Variants in CFAP20DC observed in about 807,000 individuals in gnomAD.
CFAP20DC encodes protein CFAP20DC.
Under a neutral mutation model 101.7 loss-of-function variants are expected in CFAP20DC, and 84 were observed. The observed-to-expected ratio is 0.83, with a 90% CI of 0.69 to 0.99. The LOEUF (loss-of-function observed/expected upper bound fraction) is 0.99, where lower values mean the gene tolerates loss of function less well. CFAP20DC is among the 50% of genes least tolerant of loss of function. CFAP20DC has a pLI of 0.00. For missense variants in CFAP20DC, 1,007 were observed against 970.3 expected (o/e 1.04, Z -0.50); for synonymous variants, 359 against 351.2 (o/e 1.02, Z -0.25).
At chr3:58,934,828 CA>C (rs2087291084) in intron 5 of CFAP20DC, among the ~76,000 whole-genome samples, 1 of 152,150 alleles carries the variant, frequency 6.6e-6, no homozygotes. Flanking sequence ...ACTGAATGGG[CA>C]AAAACTGGAA....
chr3:58,727,774 T>C (rs1414422622), intron 3 of CFAP20DC: 1 of 152,224 alleles, frequency 6.6e-6, no homozygotes, highest in African/African-American at 2.4e-5. Context: ...TTGCTCTCTC[T>C]TGACTTCAAT....
At chr3:58,831,928 C>T in intron 13 of CFAP20DC, 39 bp from the exon 14 acceptor site, 1 of 1,564,158 alleles carries the variant, frequency 6.4e-7, no homozygotes, top group Non-Finnish European at 8.8e-7. Context: ...GGTCATTTGG[C>T]CTAATTCTAC....
chr3:58,815,903 C>G (rs1395541890), intron 14 of CFAP20DC, among the ~76,000 whole-genome samples: 1 of 151,478 alleles, frequency 6.6e-6, no homozygotes, highest in Non-Finnish European at 1.5e-5. Context: ...CACTTTTACA[C>G]TGTTGCTGGG....
At chr3:58,925,820 T>C (rs1246446681) in intron 5 of CFAP20DC, among the ~76,000 whole-genome samples, 2 of 152,206 alleles carry the variant, frequency 1.3e-5, no homozygotes, top group South Asian at 2.1e-4. Context: ...TCTGAACCCA[T>C]AGAATCTAGC....
chr3:58,750,701 C>G (rs539476856), intron 16 of CFAP20DC, among the ~76,000 whole-genome samples: 1 of 152,244 alleles, frequency 6.6e-6, no homozygotes, highest in South Asian at 2.1e-4. Flanking sequence ...GGGGTTGGAC[C>G]ACATCAGTGT....
In CFAP20DC at chr3:58,863,128, G is replaced by A. The variant is rs1157917423; in HGVS notation, c.1593+430C>T. The A allele has an allele frequency of 2.9e-6, 3 of 1,047,454 alleles. No individual in the cohort carries two copies. The highest frequency in any genetic ancestry group is 8.1e-5 in the South Asian group (2 of 24,566). The allele number at this position is 1,047,454 out of a possible 1,614,324, so 64.9% of individuals were successfully genotyped here. A position where few individuals can be genotyped will look rare whatever the true frequency, so the allele number is the denominator to read the frequency against. ...AAATAATGAGTCCTAATAGGTCTAA[G>A]GTGAAAAGATGGCAGGGGAGTAAGG... On this transcript the variant is annotated intron_variant, in intron 12 of 16. Coordinates refer to ENST00000482387, the MANE Select transcript of CFAP20DC (RefSeq NM_001394063.1). This position sits in a 1 kb window ranked among gnomAD's most constrained non-coding sequence, Gnocchi z 5.9.
intron 15 of CFAP20DC, among the ~76,000 whole-genome samples, chr3:58,767,273 G>A (rs1432940232): frequency 2.6e-5 from 4 of 151,932 alleles, no homozygotes; most frequent in Non-Finnish European, 4.4e-5. Context: ...GCATGCTTTT[G>A]TTTCCTTACC....
intron 5 of CFAP20DC, among the ~76,000 whole-genome samples, chr3:58,933,748 G>C (rs2087084033): frequency 6.6e-6 from 1 of 151,690 alleles, no homozygotes; most frequent in Non-Finnish European, 1.5e-5. Context: ...CAACATACCA[G>C]AATCTCTGGG....
chr3:58,856,129 A>T (rs1247714011), intron 12 of CFAP20DC, among the ~76,000 whole-genome samples: 1 of 150,654 alleles, frequency 6.6e-6, no homozygotes, highest in African/African-American at 2.5e-5. Context: ...CTAAAAAAAA[A>T]CCCCTCTCCT....
At chr3:58,834,098 A>G (rs2076578243) in intron 13 of CFAP20DC, among the ~76,000 whole-genome samples, 1 of 152,172 alleles carries the variant, frequency 6.6e-6, no homozygotes, top group South Asian at 2.1e-4. Flanking sequence ...GAGTGATTAA[A>G]ATGTTCTGAA....
At chr3:58,950,095 G>C (rs1282516658) in intron 4 of CFAP20DC, among the ~76,000 whole-genome samples, 1 of 152,070 alleles carries the variant, frequency 6.6e-6, no homozygotes, top group South Asian at 2.1e-4. Context: ...AAATCAATGT[G>C]CAAAAATCAC....
rs1377234777 is a variant in CFAP20DC, at chr3:58,721,884, C to T, written c.198-4256G>A. Among the ~76,000 whole-genome samples, 10 of 152,234 alleles carry T rather than the reference C, an allele frequency of 6.6e-5. No individual in the cohort carries two copies. The highest frequency in any genetic ancestry group is 6.5e-4 in the Admixed American group (10 of 15,282). On this transcript the variant is annotated intron_variant, in intron 3 of 3. Transcript: ENST00000486145. This position sits in a 1 kb window ranked among gnomAD's most constrained non-coding sequence, Gnocchi z 5.2. ...TTTTATTTTCCTAAGATTGTGGCAA[C>T]ACGAACTCCCATCCCACAGGCCCTT...
chr3:58,982,043 T>C (rs1453494876), intron 4 of CFAP20DC, among the ~76,000 whole-genome samples: 79 of 152,044 alleles, frequency 5.2e-4, no homozygotes, highest in African/African-American at 1.3e-3. Context: ...AAAAAGTGGG[T>C]GAAGGACATG....
intron 13 of CFAP20DC, among the ~76,000 whole-genome samples, chr3:58,846,503 G>C (rs1398852559): frequency 2.0e-5 from 3 of 151,714 alleles, no homozygotes; most frequent in Non-Finnish European, 4.4e-5. Context: ...CACTGCTCAA[G>C]GAAATAAAAG....
chr3:58,955,083 A>G (rs1312955818), intron 4 of CFAP20DC, among the ~76,000 whole-genome samples: 3 of 152,160 alleles, frequency 2.0e-5, no homozygotes, highest in Non-Finnish European at 2.9e-5. Context: ...TAGTATATTT[A>G]AGGACTTATG....
intron 15 of CFAP20DC, among the ~76,000 whole-genome samples, chr3:58,779,155 C>G (rs2071604767): frequency 6.6e-6 from 1 of 151,894 alleles, no homozygotes; most frequent in African/African-American, 2.4e-5. Context: ...AAACAGAATT[C>G]AAAATATTGA....
chr3:58,822,567 C>T (rs916003290), intron 14 of CFAP20DC, among the ~76,000 whole-genome samples: 2 of 151,378 alleles, frequency 1.3e-5, no homozygotes, highest in African/African-American at 2.4e-5. Flanking sequence ...TGCACATGTA[C>T]CCTAAAACTT....
intron 3 of CFAP20DC, among the ~76,000 whole-genome samples, chr3:59,043,426 C>A (rs1322546014): frequency 1.3e-5 from 2 of 151,964 alleles, no homozygotes; most frequent in East Asian, 3.9e-4. Flanking sequence ...GAACTGTCCA[C>A]CGGATTCAGG....
intron 7 of CFAP20DC, among the ~76,000 whole-genome samples, chr3:58,872,490 G>A (rs1342195958): frequency 6.6e-6 from 1 of 152,184 alleles, no homozygotes; most frequent in East Asian, 1.9e-4. Context: ...TTTTGGGTCT[G>A]TTTTTGTGTT....
Sources: gnomAD v4.1 joint callset for allele counts (sites outside exome capture counted in the v4.1 genomes callset) on GRCh38, gnomAD v4.1.1 for gene constraint, Gnocchi (gnomAD v3.1) non-coding constraint, MANE v1.5 for transcripts, NCBI Gene and HGNC (gene_info 2026-07-23, HGNC 2026-07-21) for gene names.